Variants in PIP5K1B observed in about 807,000 individuals in gnomAD.
PIP5K1B encodes the protein phosphatidylinositol-4-phosphate 5-kinase type 1 beta, also known as phosphatidylinositol 4-phosphate 5-kinase type-1 beta.
Under a neutral mutation model 67.0 loss-of-function variants are expected in PIP5K1B, and 42 were observed. The ratio of observed to expected loss-of-function variants is 0.63; its 90% CI spans 0.49 to 0.81. PIP5K1B has a LOEUF of 0.81. Among genes scored for constraint, PIP5K1B ranks in the 30% least tolerant of loss-of-function variants. The pLI, the probability that PIP5K1B is intolerant of heterozygous loss-of-function variation, is 0.00. For missense variants in PIP5K1B, 459 were observed against 646.3 expected (o/e 0.71, Z 3.14); for synonymous variants, 214 against 231.4 (o/e 0.92, Z 0.68).
intron 1 of PIP5K1B, among the ~76,000 whole-genome samples, chr9:68,724,662 A>G (rs1828066649): frequency 6.6e-6 from 1 of 151,648 alleles, no homozygotes; most frequent in South Asian, 2.1e-4. Context: ...GGTTGAGTTT[A>G]TTACTAGGTT....
At chr9:68,976,763 C>T (rs1012327473) in intron 14 of PIP5K1B, among the ~76,000 whole-genome samples, 3 of 152,314 alleles carry the variant, frequency 2.0e-5, no homozygotes, top group Admixed American at 6.5e-5. Flanking sequence ...GGAGTTCATG[C>T]TCCTTTGAGA....
Position 69,008,503 on chromosome 9 carries a change from A to C in PIP5K1B, c.*54A>C, listed in dbSNP as rs776674653. 18 of 1,584,112 alleles carry C rather than the reference A, an allele frequency of 1.1e-5. No individual in the cohort carries two copies. Among genetic ancestry groups the C allele is most frequent in the Non-Finnish European group, 1.4e-5 (16 of 1,152,600 alleles). ...GATGAGACGTGAGCACAGTTATGGC[A>C]GAGAAGTTTCTCCGCACCAGAATTA... On this transcript the variant is annotated 3_prime_UTR_variant, in exon 16 of 16. Coordinates refer to ENST00000265382, the MANE Select transcript of PIP5K1B (RefSeq NM_003558.4).
chr9:68,865,864 C>T (rs1823329591), intron 5 of PIP5K1B, among the ~76,000 whole-genome samples: 1 of 152,196 alleles, frequency 6.6e-6, no homozygotes, highest in South Asian at 2.1e-4. Flanking sequence ...GAACCACTGG[C>T]CTCGCCCATG....
At chr9:68,754,175 C>CTT (rs71353081) in intron 2 of PIP5K1B, among the ~76,000 whole-genome samples, 2 of 101,074 alleles carry the variant, frequency 2.0e-5, no homozygotes, top group African/African-American at 8.2e-5. Context: ...TCCATGATTT[C>CTT]TTTTTTTTTT....
chr9:68,825,890 G>A (rs545653750), intron 4 of PIP5K1B, among the ~76,000 whole-genome samples: 30 of 152,310 alleles, frequency 2.0e-4, no homozygotes, highest in Non-Finnish European at 4.0e-4. Context: ...AACATTCAGC[G>A]TCATGAGTGC....
At chr9:68,738,528 A>C (rs199884771) in intron 1 of PIP5K1B, among the ~76,000 whole-genome samples, 1 of 152,228 alleles carries the variant, frequency 6.6e-6, no homozygotes, top group East Asian at 1.9e-4. Context: ...TTGGGCCAGC[A>C]GTTGGCATCA....
chr9:68,760,590 T>C (rs1449872216), intron 2 of PIP5K1B, among the ~76,000 whole-genome samples: 1 of 152,080 alleles, frequency 6.6e-6, no homozygotes, highest in Non-Finnish European at 1.5e-5. Flanking sequence ...AGACAAACCA[T>C]GAAGGTCAGC....
intron 11 of PIP5K1B, among the ~76,000 whole-genome samples, chr9:68,920,359 CTTTTT>C (rs5898051): frequency 5.1e-5 from 5 of 98,308 alleles, no homozygotes; most frequent in South Asian, 4.2e-4. Context: ...CTGAGGTTGT[CTTTTT>C]TTTTTTTTTT....
intron 4 of PIP5K1B, among the ~76,000 whole-genome samples, chr9:68,833,529 G>A (rs1564170823): frequency 2.0e-5 from 3 of 152,218 alleles, no homozygotes; most frequent in African/African-American, 4.8e-5. Flanking sequence ...ACTGAGGGGA[G>A]TAGGTGCTAC....
intron 2 of PIP5K1B, among the ~76,000 whole-genome samples, chr9:68,797,813 G>A (rs577987222): frequency 1.4e-4 from 12 of 86,186 alleles, no homozygotes; most frequent in African/African-American, 7.1e-4. Flanking sequence ...CACTGTGCCC[G>A]TTTTGTTTTG....
rs183872199 is a variant in PIP5K1B, at chr9:69,003,012, A to G, written c.1621-5435A>G. 1.0e-3 allele frequency among the ~76,000 whole-genome samples: 158 copies of G among 152,158 alleles called. 1 individual carries two copies. The highest frequency in any genetic ancestry group is 3.7e-3 in the African/African-American group (155 of 41,544). On this transcript the variant is annotated intron_variant, in intron 15 of 15. Coordinates refer to ENST00000265382, the MANE Select transcript of PIP5K1B (RefSeq NM_003558.4). ...AATAATAATAAAATAAAATTCAGGGATCTCTGGGAAAGAAATCGGGTGAAC... is the reference window on the plus strand; with the variant it reads ...AATAATAATAAAATAAAATTCAGGGGTCTCTGGGAAAGAAATCGGGTGAAC...
At chr9:68,822,236 G>A (rs1275248423) in intron 3 of PIP5K1B, among the ~76,000 whole-genome samples, 1 of 152,004 alleles carries the variant, frequency 6.6e-6, no homozygotes, top group Non-Finnish European at 1.5e-5. Context: ...TGGGAGGACT[G>A]CTTGAACTGA....
At chr9:68,996,928 T>A (rs1345059032) in intron 15 of PIP5K1B, among the ~76,000 whole-genome samples, 20 of 152,198 alleles carry the variant, frequency 1.3e-4, no homozygotes, top group African/African-American at 4.3e-4. Context: ...TAACATCCTC[T>A]CAATAATATG....
chr9:68,780,110 G>T, intron 2 of PIP5K1B: 1 of 1,480,786 alleles, frequency 6.8e-7, no homozygotes, highest in South Asian at 1.4e-5. Flanking sequence ...GGACTGCGGG[G>T]AATGGGAATC....
intron 12 of PIP5K1B, among the ~76,000 whole-genome samples, chr9:68,927,689 A>G (rs1280832348): frequency 6.6e-6 from 1 of 151,882 alleles, no homozygotes; most frequent in Non-Finnish European, 1.5e-5. Context: ...ATTTGCAAAT[A>G]TTTTCTTCCA....
intron 14 of PIP5K1B, among the ~76,000 whole-genome samples, chr9:68,958,261 A>T (rs1828504655): frequency 6.6e-6 from 1 of 152,188 alleles, no homozygotes; most frequent in Non-Finnish European, 1.5e-5. Flanking sequence ...TACTACCTAA[A>T]ATCAAAACCT....
intron 4 of PIP5K1B, among the ~76,000 whole-genome samples, chr9:68,851,701 G>A (rs1822490160): frequency 6.6e-6 from 1 of 152,208 alleles, no homozygotes; most frequent in Admixed American, 6.5e-5. Context: ...TGGATGCAGA[G>A]ACCAGAAATC....
At chr9:68,717,522 C>G (rs1827692276) in intron 1 of PIP5K1B, among the ~76,000 whole-genome samples, 1 of 152,166 alleles carries the variant, frequency 6.6e-6, no homozygotes, top group East Asian at 1.9e-4. Flanking sequence ...AGTCCAAGAT[C>G]AGGTGCCAGC....
chr9:68,896,147 A>T (rs1264568436), intron 8 of PIP5K1B, among the ~76,000 whole-genome samples: 1 of 152,238 alleles, frequency 6.6e-6, no homozygotes, highest in East Asian at 1.9e-4. Context: ...GTAAAAACAG[A>T]ACACACATAT....
Sources: allele counts gnomAD v4.1 joint callset (sites outside exome capture counted in the v4.1 genomes callset), GRCh38; gene constraint gnomAD v4.1.1; transcripts MANE v1.5; gene names NCBI Gene and HGNC (gene_info 2026-07-23, HGNC 2026-07-21).